Variants in SNX30 observed in about 807,000 individuals in gnomAD.
The protein encoded by SNX30 is sorting nexin family member 30, also known as sorting nexin-30.
In SNX30, 24 loss-of-function variants were observed where a neutral mutation model predicts 46.4. The observed-to-expected ratio is 0.52, with a 90% confidence interval of 0.37 to 0.73. The LOEUF (loss-of-function observed/expected upper bound fraction) is 0.73. SNX30 is among the 30% of genes least tolerant of loss of function. SNX30 has a pLI of 0.00. For synonymous variants in SNX30, 189 were observed against 211.5 expected, an observed-to-expected ratio of 0.89 and a Z score of 0.92; for missense variants, 533 against 555.7, an observed-to-expected ratio of 0.96 and a Z score of 0.41.
At chr9:112,868,159 C>A (rs888651402) in intron 8 of SNX30, among the ~76,000 whole-genome samples, 1 of 152,188 alleles carries the variant, frequency 6.6e-6, no homozygotes, top group Non-Finnish European at 1.5e-5. Flanking sequence ...TAATAATTCT[C>A]CTTCATAGAG....
At chr9:112,752,452 C>T (rs552571370) in intron 1 of SNX30, among the ~76,000 whole-genome samples, 3 of 152,120 alleles carry the variant, frequency 2.0e-5, no homozygotes, top group East Asian at 1.9e-4. Flanking sequence ...CCCGTTTCCA[C>T]ATACGCACAC....
intron 8 of SNX30, among the ~76,000 whole-genome samples, chr9:112,865,622 G>T: frequency 1.8e-5 from 1 of 56,218 alleles, no homozygotes. Flanking sequence ...ATCCTGTCAC[G>T]CCATATATAT....
downstream of SNX30, among the ~76,000 whole-genome samples, chr9:112,882,796 A>G (rs1442585217): frequency 1.3e-5 from 2 of 152,152 alleles, no homozygotes; most frequent in African/African-American, 2.4e-5. Flanking sequence ...GAGGGTATCA[A>G]GAACCCTATT....
Position 112,867,312 on chromosome 9 carries a change from ACCTCCTCAGAATTCCTCCTC to A in SNX30, c.1255-1460_1255-1441del, listed in dbSNP as rs1392412887. On this transcript the variant is annotated intron_variant, in intron 8 of 8. Coordinates refer to ENST00000374232, the MANE Select transcript of SNX30 (RefSeq NM_001012994.2). ...CTCCTCCCTCCTCAGAACTCCTCCC[ACCTCCTCAGAATTCCTCCTC>A]CCTCCTCAGAACTCTTCCCACCTCC... 2.9e-4 allele frequency among the ~76,000 whole-genome samples: 23 copies of A among 79,288 alleles called. No individual in the cohort carries two copies. In the East Asian group the frequency reaches 4.1e-3, roughly 14 times the overall value. The allele number at this position is 79,288 out of a possible 152,430, so 52.0% of individuals were successfully genotyped here.
intron 8 of SNX30, chr9:112,866,647 T>C: frequency 2.3e-6 from 1 of 432,552 alleles, no homozygotes; most frequent in Non-Finnish European, 4.7e-6. Context: ...CACTCTTCTT[T>C]CTGGCTTGAC....
Position 112,804,794 on chromosome 9 carries a change from G to C in SNX30, c.175G>C (p.Gly59Arg), listed in dbSNP as rs766381216. Residue 59 changes from glycine to arginine, a missense_variant, in exon 2 of 9, where the codon GGT becomes CGT. Transcript: ENST00000374232. ...FGDKDLILPN[G>R]GTPAGTSSPA... ...CTTTTAGGATCTCATTTTGCCCAAC[G>C]GTGGTACTCCAGCAGGTACTTCAAG... The C allele has an allele frequency of 5.0e-6, 8 of 1,609,386 alleles. No homozygotes were observed. The Admixed American group carries it at 6.7e-5, about 14-fold the overall frequency.
At chr9:112,879,748 G>A, downstream of SNX30, 2 of 1,610,052 alleles carry the variant, frequency 1.2e-6, no homozygotes, top group Non-Finnish European at 1.7e-6. Context: ...TTCAGTTCCT[G>A]CAGGTAAGCA....
intron 3 of SNX30, among the ~76,000 whole-genome samples, chr9:112,822,284 T>C (rs559029214): frequency 1.8e-4 from 27 of 152,308 alleles, no homozygotes; most frequent in Admixed American, 5.9e-4. Flanking sequence ...GTTTGTCATC[T>C]CATAACAGCA....
At chr9:112,845,089 T>G (rs1330811421) in intron 6 of SNX30, among the ~76,000 whole-genome samples, 1 of 152,128 alleles carries the variant, frequency 6.6e-6, no homozygotes, top group Non-Finnish European at 1.5e-5. Flanking sequence ...TTCAAAGGCT[T>G]TAAAAAAATA....
rs1841496017 is a variant in SNX30 at position 112,874,709 on chromosome 9, G to T, written c.*5866G>T. The T allele has an allele frequency of 6.6e-6, 1 of 152,124 alleles. No individual in the cohort carries two copies. The highest frequency in any genetic ancestry group is 2.1e-4 in the South Asian group (1 of 4,834). The allele number at this position is 152,124 out of a possible 1,614,324, so 9.4% of individuals were successfully genotyped here. A position where few individuals can be genotyped will look rare whatever the true frequency, so the allele number is the denominator to read the frequency against. On this transcript the variant is annotated 3_prime_UTR_variant, in exon 9 of 9. Transcript: ENST00000374232. ...TCATGAAGCTACCAAACTTTAAAAA[G>T]AATGTCACCCTTTTTTTTGTTTGTT...
chr9:112,809,412 C>A (rs1840281253), intron 2 of SNX30, among the ~76,000 whole-genome samples: 1 of 152,036 alleles, frequency 6.6e-6, no homozygotes, highest in Non-Finnish European at 1.5e-5. Flanking sequence ...AGGGATGGCC[C>A]CGATACCCAG....
Position 112,865,624 on chromosome 9 carries a change from CATATATATATATATAT to C in SNX30, c.1254+1248_1254+1263del, listed in dbSNP as rs796986603. Among the ~76,000 whole-genome samples the C allele has an allele frequency of 4.4e-4, 35 of 79,006 alleles. 3 individuals carry two copies. The East Asian group carries it at 8.4e-3, about 19-fold the overall frequency. 51.8% of individuals were successfully genotyped at this position (79,006 alleles called of 152,430 possible). A position where few individuals can be genotyped will look rare whatever the true frequency, so the allele number is the denominator to read the frequency against. On this transcript the variant is annotated intron_variant, in intron 8 of 8. Coordinates refer to ENST00000374232, the MANE Select transcript of SNX30 (RefSeq NM_001012994.2). ...ACAGAGTTTTTTGATCCTGTCACGC[CATATATATATATATAT>C]ATATATATATATATATATATATGTA...
chr9:112,826,480 A>AT (rs1307602951), intron 3 of SNX30, among the ~76,000 whole-genome samples: 5 of 152,170 alleles, frequency 3.3e-5, no homozygotes, highest in Admixed American at 6.5e-5. Flanking sequence ...AACCAACCAT[A>AT]TTTTTATAGA....
intron 8 of SNX30, 34 bp from the exon 9 acceptor site, chr9:112,868,750 A>G: frequency 6.2e-7 from 1 of 1,613,354 alleles, no homozygotes; most frequent in Non-Finnish European, 8.5e-7. Flanking sequence ...CGGAAACTCA[A>G]AGCTGATACT....
chr9:112,876,124 T>C (rs1187432442), downstream of SNX30, among the ~76,000 whole-genome samples: 2 of 152,040 alleles, frequency 1.3e-5, no homozygotes, highest in Non-Finnish European at 1.5e-5. Flanking sequence ...AATAAAATAC[T>C]GAAGGACGGT....
intron 1 of SNX30, among the ~76,000 whole-genome samples, chr9:112,773,582 A>G (rs1298355391): frequency 1.3e-5 from 2 of 152,186 alleles, no homozygotes; most frequent in Non-Finnish European, 2.9e-5. Flanking sequence ...TGTACCTTAA[A>G]TATTCAGAAA....
intron 7 of SNX30, among the ~76,000 whole-genome samples, chr9:112,858,185 A>G (rs1010030181): frequency 1.3e-5 from 2 of 152,202 alleles, no homozygotes; most frequent in Non-Finnish European, 2.9e-5. Flanking sequence ...CACAACCGTA[A>G]CAATACCTCA....
chr9:112,878,711 C>T (rs1841543716), downstream of SNX30: 1 of 152,288 alleles, frequency 6.6e-6, no homozygotes, highest in South Asian at 2.1e-4. Flanking sequence ...GCTATTCTTT[C>T]TGTATCTCAG....
intron 1 of SNX30, among the ~76,000 whole-genome samples, chr9:112,769,661 G>A (rs1215231083): frequency 6.6e-6 from 1 of 152,026 alleles, no homozygotes; most frequent in Non-Finnish European, 1.5e-5. Flanking sequence ...TCTAAATGTT[G>A]GACTGCTGTA....
Sources: allele counts gnomAD v4.1 joint callset (sites outside exome capture counted in the v4.1 genomes callset), GRCh38; gene constraint gnomAD v4.1.1; transcripts MANE v1.5; gene names NCBI Gene and HGNC (gene_info 2026-07-23, HGNC 2026-07-21).